Variants in TBC1D19 observed in about 807,000 individuals in gnomAD.
The protein encoded by TBC1D19 is TBC1 domain family member 19.
Under a neutral mutation model 89.0 loss-of-function variants are expected in TBC1D19, and 60 were observed. The ratio of observed to expected loss-of-function variants is 0.67; its 90% CI spans 0.55 to 0.84. The LOEUF is 0.84. Among genes scored for constraint, TBC1D19 ranks in the 40% least tolerant of loss-of-function variants. The pLI, the probability that TBC1D19 is intolerant of heterozygous loss-of-function variation, is 0.00. For synonymous variants in TBC1D19, 189 were observed against 199.7 expected (o/e 0.95, Z 0.45); for missense variants, 500 against 610.8 (o/e 0.82, Z 1.91).
At position 26,614,466 on chromosome 4, in the gene TBC1D19, A is replaced by G. The variant is rs557112822; in HGVS notation, c.218+13A>G. On this transcript the variant is annotated intron_variant, in intron 3 of 20. Coordinates refer to ENST00000264866, the MANE Select transcript of TBC1D19 (RefSeq NM_018317.4). ...GTGAACTGAGTGTGTGAGTTTTCCC[A>G]CCTATTTTACAATAGTATTTTGTTT... 3 of 1,576,786 alleles carry G rather than the reference A, an allele frequency of 1.9e-6. No homozygotes were observed. The East Asian group carries it at 6.8e-5, about 36-fold the overall frequency.
rs1718325180 is a variant in TBC1D19 at position 26,740,849 on chromosome 4, A to T, written c.1227+876A>T. 4 of 985,270 alleles carry T rather than the reference A, an allele frequency of 4.1e-6. No homozygotes were observed. The South Asian group carries it at 1.9e-4, about 46-fold the overall frequency. 61.0% of individuals were successfully genotyped at this position (985,270 alleles called of 1,614,324 possible). A position where few individuals can be genotyped will look rare whatever the true frequency, so the allele number is the denominator to read the frequency against. ...TTATCCCCCCATTCTAAGCCTATAT[A>T]TTCCTATTTCACCTTCCTCCATCTC... On this transcript the variant is annotated intron_variant, in intron 17 of 20. Coordinates refer to ENST00000264866, the MANE Select transcript of TBC1D19 (RefSeq NM_018317.4).
intron 7 of TBC1D19, among the ~76,000 whole-genome samples, chr4:26,652,347 C>CT (rs1035942030): frequency 6.6e-6 from 1 of 151,710 alleles, no homozygotes; most frequent in Non-Finnish European, 1.5e-5. Flanking sequence ...TGGTCCTGGA[C>CT]TTTTTTTTGG....
chr4:26,831,419 A>G, the TBC1D19 span, among the ~76,000 whole-genome samples: 1 of 152,152 alleles, frequency 6.6e-6, no homozygotes, highest in East Asian at 1.9e-4. Context: ...GTTACAGTAA[A>G]AAGAAACAAA....
At chr4:26,706,569 G>T (rs1259988960) in intron 13 of TBC1D19, among the ~76,000 whole-genome samples, 1 of 151,730 alleles carries the variant, frequency 6.6e-6, no homozygotes, top group Non-Finnish European at 1.5e-5. Context: ...TCTTTCTTCT[G>T]CTAGCTTCTA....
At chr4:26,623,953 C>G (rs1742229984) in intron 4 of TBC1D19, among the ~76,000 whole-genome samples, 1 of 152,108 alleles carries the variant, frequency 6.6e-6, no homozygotes, top group African/African-American at 2.4e-5. Context: ...AGCAGACGAA[C>G]CCTTATAGCT....
At chr4:26,710,651 G>A (rs1410014846) in intron 13 of TBC1D19, among the ~76,000 whole-genome samples, 1 of 152,194 alleles carries the variant, frequency 6.6e-6, no homozygotes, top group Admixed American at 6.5e-5. Flanking sequence ...CCCACCAACA[G>A]TGTAAAACTG....
intron 4 of TBC1D19, among the ~76,000 whole-genome samples, chr4:26,627,947 C>A (rs1300930050): frequency 1.3e-5 from 2 of 152,020 alleles, no homozygotes; most frequent in East Asian, 1.9e-4. Context: ...TGTTTTAGAC[C>A]TGAAGTCTTT....
At chr4:26,824,980 C>G in the TBC1D19 span, among the ~76,000 whole-genome samples, 1 of 152,208 alleles carries the variant, frequency 6.6e-6, no homozygotes, top group Non-Finnish European at 1.5e-5. Flanking sequence ...AACAAGGCAG[C>G]TCTTCCACAC....
intron 10 of TBC1D19, among the ~76,000 whole-genome samples, chr4:26,673,446 T>TATATATATATACACACACACACACAC (rs373807642): frequency 5.5e-5 from 5 of 90,882 alleles, no homozygotes; most frequent in African/African-American, 2.1e-4. Flanking sequence ...TATATATATA[T>TATATATATATACACACACACACACAC]ACACACACAC....
chr4:26,835,974 GCTCTCTCTCTCTCT>G, the TBC1D19 span, among the ~76,000 whole-genome samples: 15 of 143,468 alleles, frequency 1.0e-4, no homozygotes, highest in South Asian at 2.3e-4. Flanking sequence ...CATGTGAAGT[GCTCTCTCTCTCTCT>G]CTCTCTCTCT....
At chr4:26,858,740 T>C in the TBC1D19 span, 2 of 152,250 alleles carry the variant, frequency 1.3e-5, no homozygotes, top group Admixed American at 6.5e-5. Context: ...GGTTTATTCC[T>C]GGCCCCTGGC....
chr4:26,794,614 A>G, the TBC1D19 span, among the ~76,000 whole-genome samples: 5 of 152,214 alleles, frequency 3.3e-5, no homozygotes, highest in East Asian at 1.9e-4. Flanking sequence ...ATTAATTGCC[A>G]TAGAGAATAT....
Position 26,751,781 on chromosome 4 carries a change from G to A in TBC1D19, c.1436-2039G>A, listed in dbSNP as rs35242668. On this transcript the variant is annotated intron_variant, in intron 19 of 20. Transcript: ENST00000264866. ...TGGTTGCACTTGGCCTTTATCTGGG[G>A]AAATTAAGAGACCTGGCTGCTGACT... is the stretch of plus-strand genomic sequence containing the variant. 4.8e-3 allele frequency among the ~76,000 whole-genome samples: 728 copies of A among 152,258 alleles called. 4 individuals are homozygous for A. The highest frequency in any genetic ancestry group is 6.8e-3 in the Middle Eastern group (2 of 294).
At chr4:26,663,275 C>T (rs1745323681) in intron 8 of TBC1D19, among the ~76,000 whole-genome samples, 1 of 152,134 alleles carries the variant, frequency 6.6e-6, no homozygotes, top group Non-Finnish European at 1.5e-5. Context: ...CCACATGCCT[C>T]ACCAGTGAAA....
intron 12 of TBC1D19, among the ~76,000 whole-genome samples, chr4:26,686,703 G>T (rs1442075832): frequency 6.6e-6 from 1 of 152,132 alleles, no homozygotes; most frequent in East Asian, 1.9e-4. Context: ...GTATCCCCCT[G>T]TTGAGAATGC....
chr4:26,817,974 AAAAAAAAAT>A, the TBC1D19 span, among the ~76,000 whole-genome samples: 3 of 108,294 alleles, frequency 2.8e-5, no homozygotes, highest in African/African-American at 8.0e-5. Flanking sequence ...CATTTAAAAA[AAAAAAAAAT>A]ATATATATAT....
chr4:26,665,969 A>C (rs1444458789), intron 8 of TBC1D19, among the ~76,000 whole-genome samples: 2 of 152,094 alleles, frequency 1.3e-5, no homozygotes, highest in African/African-American at 2.4e-5. Flanking sequence ...TTAGGTAGGA[A>C]AAATTAGGAG....
chr4:26,707,076 A>G (rs934584663), intron 13 of TBC1D19, among the ~76,000 whole-genome samples: 1 of 152,056 alleles, frequency 6.6e-6, no homozygotes, highest in African/African-American at 2.4e-5. Context: ...TTGGTTTATC[A>G]TGTAAATACT....
At chr4:26,580,009 G>A (rs1431841581), upstream of TBC1D19, among the ~76,000 whole-genome samples, 1 of 152,102 alleles carries the variant, frequency 6.6e-6, no homozygotes. Context: ...CAGACTTGTT[G>A]GTAATAATAA....
Sources: gnomAD v4.1 joint callset for allele counts (sites outside exome capture counted in the v4.1 genomes callset) on GRCh38, gnomAD v4.1.1 for gene constraint, MANE v1.5 for transcripts, NCBI Gene and HGNC (gene_info 2026-07-23, HGNC 2026-07-21) for gene names.